Variants in UNC5C observed in about 807,000 individuals in gnomAD.
The protein encoded by UNC5C is netrin receptor UNC5C.
A neutral mutation model predicts 99.8 loss-of-function variants in UNC5C; 47 were observed. The observed-to-expected ratio is 0.47, with a 90% CI of 0.37 to 0.60. The LOEUF is 0.60. UNC5C is among the 20% of genes least tolerant of loss of function. The pLI is 0.00. For missense variants in UNC5C, 1,062 were observed against 1,165.9 expected, an observed-to-expected ratio of 0.91 and a Z score of 1.30; for synonymous variants, 487 against 452.2, an observed-to-expected ratio of 1.08 and a Z score of -0.98.
intron 1 of UNC5C, among the ~76,000 whole-genome samples, chr4:95,344,975 G>A (rs1038974397): frequency 2.6e-5 from 4 of 151,984 alleles, no homozygotes; most frequent in Non-Finnish European, 5.9e-5. Context: ...ATCACAAAAT[G>A]TCAGGAATAA....
intron 1 of UNC5C, among the ~76,000 whole-genome samples, chr4:95,451,499 T>C (rs888735262): frequency 6.6e-6 from 1 of 152,250 alleles, no homozygotes; most frequent in Non-Finnish European, 1.5e-5. Context: ...ATAACCCTAA[T>C]AGTTACTATT....
intron 1 of UNC5C, among the ~76,000 whole-genome samples, chr4:95,394,623 T>C (rs1438330207): frequency 2.0e-5 from 3 of 149,448 alleles, no homozygotes; most frequent in African/African-American, 7.6e-5. Context: ...TAATTACAAT[T>C]CTGGCATCTG....
chr4:95,525,007 T>C (rs927979230), intron 1 of UNC5C, among the ~76,000 whole-genome samples: 2 of 152,132 alleles, frequency 1.3e-5, no homozygotes, highest in Non-Finnish European at 2.9e-5. Context: ...TTAAAAATGA[T>C]GCCAAATTAA....
intron 1 of UNC5C, among the ~76,000 whole-genome samples, chr4:95,507,268 G>A (rs1721948848): frequency 6.6e-6 from 1 of 151,812 alleles, no homozygotes; most frequent in Non-Finnish European, 1.5e-5. Flanking sequence ...TATTTAAACT[G>A]ACCAGAAAAA....
chr4:95,434,685 T>C (rs1247281477), intron 1 of UNC5C, among the ~76,000 whole-genome samples: 1 of 152,096 alleles, frequency 6.6e-6, no homozygotes, highest in Admixed American at 6.6e-5. Context: ...CTCGCTTGGT[T>C]TCTGGCAAGT....
At chr4:95,358,054 T>C (rs902652474) in intron 1 of UNC5C, among the ~76,000 whole-genome samples, 2 of 152,134 alleles carry the variant, frequency 1.3e-5, no homozygotes, top group Non-Finnish European at 2.9e-5. Flanking sequence ...TGACCTACTA[T>C]GTTTAGTATA....
At chr4:95,500,549 C>T (rs556402885) in intron 1 of UNC5C, among the ~76,000 whole-genome samples, 5 of 152,168 alleles carry the variant, frequency 3.3e-5, no homozygotes, top group African/African-American at 9.6e-5. Flanking sequence ...GTTTTGGCAT[C>T]GAAATAATAA....
intron 12 of UNC5C, among the ~76,000 whole-genome samples, chr4:95,186,700 G>A (rs1736844901): frequency 6.6e-6 from 1 of 152,158 alleles, no homozygotes; most frequent in South Asian, 2.1e-4. Flanking sequence ...GAAGAGATGA[G>A]GCAATAGCAC....
At chr4:95,533,023 A>G (rs1472264106) in intron 1 of UNC5C, among the ~76,000 whole-genome samples, 4 of 152,140 alleles carry the variant, frequency 2.6e-5, no homozygotes, top group Non-Finnish European at 5.9e-5. Flanking sequence ...AGCAGGAAGA[A>G]CCTTCTTCAG....
chr4:95,303,642 C>T (rs902193932), intron 2 of UNC5C, among the ~76,000 whole-genome samples: 16 of 152,202 alleles, frequency 1.1e-4, no homozygotes, highest in Admixed American at 2.0e-4. Flanking sequence ...CACCACTGCA[C>T]TTCAGCCTGG....
At chr4:95,407,585 C>G (rs1227592609) in intron 1 of UNC5C, among the ~76,000 whole-genome samples, 1 of 151,984 alleles carries the variant, frequency 6.6e-6, no homozygotes, top group East Asian at 1.9e-4. Context: ...TATGGAAGCA[C>G]TTAGGGATAC....
At chr4:95,440,650 G>A (rs1321028721) in intron 1 of UNC5C, among the ~76,000 whole-genome samples, 1 of 151,934 alleles carries the variant, frequency 6.6e-6, no homozygotes, top group East Asian at 1.9e-4. Context: ...TAATTAGTAA[G>A]AGAAAATTAA....
intron 3 of UNC5C, among the ~76,000 whole-genome samples, chr4:95,292,845 A>G (rs2149400678): frequency 6.6e-6 from 1 of 152,314 alleles, no homozygotes; most frequent in Non-Finnish European, 1.5e-5. Context: ...TAATTTATTT[A>G]TCAGCAGCCA....
At chr4:95,194,165 C>T (rs550877302) in intron 12 of UNC5C, among the ~76,000 whole-genome samples, 3 of 152,272 alleles carry the variant, frequency 2.0e-5, no homozygotes, top group South Asian at 2.1e-4. Flanking sequence ...CAAATGCCAA[C>T]GGGTGGTGCT....
chr4:95,295,210 T>C (rs1424121225), intron 3 of UNC5C, among the ~76,000 whole-genome samples: 1 of 152,214 alleles, frequency 6.6e-6, no homozygotes, highest in East Asian at 1.9e-4. Context: ...CAAGAGACAC[T>C]GGAAGAAACA....
intron 1 of UNC5C, among the ~76,000 whole-genome samples, chr4:95,433,135 G>A (rs553305559): frequency 5.9e-5 from 9 of 152,192 alleles, no homozygotes; most frequent in Admixed American, 5.2e-4. Context: ...GACAGTTGAG[G>A]ATTGATGCAT....
chr4:95,398,063 T>C (rs1745574761), intron 1 of UNC5C, among the ~76,000 whole-genome samples: 1 of 147,178 alleles, frequency 6.8e-6, no homozygotes, highest in African/African-American at 2.5e-5. Context: ...TTTTTTTTTT[T>C]GCTTATGTAA....
rs1049625686 is a variant in UNC5C at position 95,319,496 on chromosome 4, C to CT, written c.346+15913dup. Among the ~76,000 whole-genome samples, 17 of 152,314 alleles carry CT rather than the reference C, an allele frequency of 1.1e-4. 1 individual carries two copies. The highest frequency in any genetic ancestry group is 4.1e-4 in the African/African-American group (17 of 41,576). On this transcript the variant is annotated intron_variant, in intron 2 of 15. Coordinates refer to ENST00000453304, the MANE Select transcript of UNC5C (RefSeq NM_003728.4). The stretch of plus-strand genomic sequence containing the variant: ...CTGTATTTCCTACATGCTGTGCTTA[C>CT]TTTTTTGCCAGACCCTGATAGTTGG...
At position 95,478,594 on chromosome 4, in the gene UNC5C, T is replaced by C. The variant is rs544776870; in HGVS notation, c.124+70140A>G. On this transcript the variant is annotated intron_variant, in intron 1 of 15. Coordinates refer to ENST00000453304, the MANE Select transcript of UNC5C (RefSeq NM_003728.4). ...TTGTTGTAAATGACACTGATGTGTA[T>C]GTATCCCCACAAGCAATTCAGTTAG... Among the ~76,000 whole-genome samples, 9 of 152,140 alleles carry C rather than the reference T, an allele frequency of 5.9e-5. No individual in the cohort carries two copies. The East Asian group carries it at 1.8e-3, about 30-fold the overall frequency.
Sources: gnomAD v4.1 joint callset for allele counts (sites outside exome capture counted in the v4.1 genomes callset) on GRCh38, gnomAD v4.1.1 for gene constraint, MANE v1.5 for transcripts, NCBI Gene and HGNC (gene_info 2026-07-23, HGNC 2026-07-21) for gene names.